Variants in ZNF148 observed in about 807,000 individuals in gnomAD.
The protein encoded by ZNF148 is Beta-Enolase Repressor Factor-1.
In ZNF148, 7 loss-of-function variants were observed where a neutral mutation model predicts 67.7. The ratio of observed to expected loss-of-function variants is 0.10; its 90% CI spans 0.06 to 0.19. ZNF148 has a LOEUF of 0.19. ZNF148 is among the 10% of genes least tolerant of loss of function. The probability of loss-of-function intolerance (pLI) is 1.00; values close to 1 mark genes in which losing one functional copy is unlikely to be tolerated. For synonymous variants in ZNF148, 333 were observed against 330.7 expected (o/e 1.01, Z -0.08); for missense variants, 583 against 947.1 (o/e 0.62, Z 5.05).
At chr3:125,277,617 T>C (rs1027356166) in intron 7 of ZNF148, 109 bp downstream of exon 7, 15 of 827,074 alleles carry the variant, frequency 1.8e-5, no homozygotes, top group African/African-American at 1.3e-4. Flanking sequence ...CTGTGATTTA[T>C]AGTCTAAACC....
chr3:125,291,975 T>C (rs1399385232), intron 4 of ZNF148, among the ~76,000 whole-genome samples: 1 of 152,208 alleles, frequency 6.6e-6, no homozygotes, highest in African/African-American at 2.4e-5. Flanking sequence ...TTAACTGTAC[T>C]GTAAACGTAC....
chr3:125,304,170 G>A (rs1939746614), intron 4 of ZNF148, among the ~76,000 whole-genome samples: 1 of 152,162 alleles, frequency 6.6e-6, no homozygotes. Context: ...ACAGAAGGAA[G>A]AGGGCTTCTA....
Position 125,277,778 on chromosome 3 carries a change from G to A in ZNF148, c.615C>T (p.Asp205=), listed in dbSNP as rs143688584. The change falls in exon 7 of 9, where the codon GAC becomes GAT. Residue 205 remains aspartate, a synonymous_variant. Transcript: ENST00000360647. ...GEKPFQCSQC[D]MRFIQKYLLQ... is the part of the protein sequence containing the mutation. The stretch of plus-strand genomic sequence containing the variant: ...GCAGGTACTTCTGTATGAAACGCAT[G>A]TCACATTGACTACATTGAAATGGTT... 81 of 1,610,946 alleles carry A rather than the reference G, an allele frequency of 5.0e-5. 1 individual carries two copies. The highest frequency in any genetic ancestry group is 3.7e-4 in the African/African-American group (28 of 74,768).
chr3:125,373,531 A>G (rs1942959911), intron 1 of ZNF148, among the ~76,000 whole-genome samples: 2 of 152,074 alleles, frequency 1.3e-5, no homozygotes, highest in African/African-American at 4.8e-5. Flanking sequence ...ATTTCCTGAC[A>G]TAGAGATGCT....
At chr3:125,365,757 G>A (rs368645729) in intron 1 of ZNF148, among the ~76,000 whole-genome samples, 1 of 152,188 alleles carries the variant, frequency 6.6e-6, no homozygotes, top group East Asian at 1.9e-4. Context: ...GGTAGAGGCT[G>A]CAGTGAGCTG....
intron 4 of ZNF148, among the ~76,000 whole-genome samples, chr3:125,312,297 A>T (rs927387177): frequency 6.6e-6 from 1 of 152,260 alleles, no homozygotes; most frequent in Non-Finnish European, 1.5e-5. Context: ...AACTAATGTA[A>T]TCCATTACAT....
chr3:125,370,662 T>C (rs1484773382), intron 1 of ZNF148, among the ~76,000 whole-genome samples: 1 of 152,244 alleles, frequency 6.6e-6, no homozygotes, highest in Non-Finnish European at 1.5e-5. Context: ...ATTATCTTTC[T>C]AATCTCCCAA....
intron 2 of ZNF148, among the ~76,000 whole-genome samples, chr3:125,326,143 T>A (rs1941007584): frequency 6.6e-6 from 1 of 152,032 alleles, no homozygotes; most frequent in Non-Finnish European, 1.5e-5. Context: ...AAACAAACAC[T>A]AAAGGAAGCC....
intron 7 of ZNF148, among the ~76,000 whole-genome samples, chr3:125,261,500 T>C (rs1937338931): frequency 6.6e-6 from 1 of 152,128 alleles, no homozygotes; most frequent in African/African-American, 2.4e-5. Context: ...GTGAATATGA[T>C]AAATGTTGAC....
rs139779926 is a variant in ZNF148, at chr3:125,254,191, C to T, written c.668-19862G>A. On this transcript the variant is annotated intron_variant, in intron 7 of 8. Coordinates refer to ENST00000360647, the MANE Select transcript of ZNF148 (RefSeq NM_021964.3). Reference sequence around the variant, plus strand: ...GAAACAAAGTTTTAATCTCTCTCCCCTTTCTTATGACTATGTAGATCTAAG... The same window carrying T: ...GAAACAAAGTTTTAATCTCTCTCCCTTTTCTTATGACTATGTAGATCTAAG... Among the ~76,000 whole-genome samples the T allele has an allele frequency of 2.6e-4, 40 of 152,200 alleles. 1 individual carries two copies. The East Asian group carries it at 7.3e-3, about 28-fold the overall frequency.
chr3:125,336,304 C>T (rs1009109057), intron 1 of ZNF148, among the ~76,000 whole-genome samples: 1 of 152,156 alleles, frequency 6.6e-6, no homozygotes, highest in Non-Finnish European at 1.5e-5. Context: ...AACTAGAGCA[C>T]ATTTTACACA....
chr3:125,342,680 G>A (rs1015325692), intron 1 of ZNF148, among the ~76,000 whole-genome samples: 2 of 151,196 alleles, frequency 1.3e-5, no homozygotes, highest in African/African-American at 2.4e-5. Flanking sequence ...TTTTTAAAAA[G>A]GAATGTTGAA....
chr3:125,323,660 C>CTTAT (rs2107694413), intron 2 of ZNF148, among the ~76,000 whole-genome samples: 1 of 152,070 alleles, frequency 6.6e-6, no homozygotes, highest in South Asian at 2.1e-4. Context: ...TAAACTTGGC[C>CTTAT]TTATAAAGAA....
chr3:125,260,091 C>G (rs961003369), intron 7 of ZNF148, among the ~76,000 whole-genome samples: 2 of 152,148 alleles, frequency 1.3e-5, no homozygotes, highest in Non-Finnish European at 2.9e-5. Flanking sequence ...AGTTCACTCT[C>G]TTATGTGGGT....
At chr3:125,279,933 G>A (rs143156496) in intron 5 of ZNF148, among the ~76,000 whole-genome samples, 1 of 151,922 alleles carries the variant, frequency 6.6e-6, no homozygotes, top group South Asian at 2.1e-4. Context: ...TAAAATGGGA[G>A]GGAGGTTTTA....
At chr3:125,317,351 G>A (rs1410201183) in intron 3 of ZNF148, among the ~76,000 whole-genome samples, 1 of 152,066 alleles carries the variant, frequency 6.6e-6, no homozygotes, top group African/African-American at 2.4e-5. Flanking sequence ...ATGTACTCTT[G>A]ATCCAGCAAT....
intron 1 of ZNF148, among the ~76,000 whole-genome samples, chr3:125,349,024 G>T (rs1942046301): frequency 1.3e-5 from 2 of 152,124 alleles, no homozygotes; most frequent in African/African-American, 2.4e-5. Flanking sequence ...GGGAAATCTG[G>T]GCAGCTATAT....
At chr3:125,372,338 G>T (rs1350614758) in intron 1 of ZNF148, among the ~76,000 whole-genome samples, 1 of 152,160 alleles carries the variant, frequency 6.6e-6, no homozygotes, top group African/African-American at 2.4e-5. Context: ...TACAGCCTAA[G>T]ATTGTTGGAT....
At chr3:125,316,190 T>C (rs1005097060) in intron 3 of ZNF148, among the ~76,000 whole-genome samples, 3 of 152,344 alleles carry the variant, frequency 2.0e-5, no homozygotes, top group African/African-American at 7.2e-5. Context: ...CATTCTTTCT[T>C]TATGGCTGAA....
Sources: allele counts gnomAD v4.1 joint callset (sites outside exome capture counted in the v4.1 genomes callset), GRCh38; gene constraint gnomAD v4.1.1; transcripts MANE v1.5; gene names NCBI Gene and HGNC (gene_info 2026-07-23, HGNC 2026-07-21).